Variants in RAD51B observed in about 807,000 individuals in gnomAD.
RAD51B encodes the protein RAD51 paralog B.
In RAD51B, 38 loss-of-function variants were observed where a neutral mutation model predicts 42.2. That is an observed-to-expected ratio of 0.90 (90% confidence interval 0.70 to 1.18). The LOEUF (loss-of-function observed/expected upper bound fraction) is 1.18, where lower values mean the gene tolerates loss of function less well. RAD51B is among the 50% of genes most tolerant of loss of function. RAD51B has a pLI of 0.00. For missense variants in RAD51B, 373 were observed against 400.7 expected, an observed-to-expected ratio of 0.93 and a Z score of 0.59; for synonymous variants, 154 against 145.2, an observed-to-expected ratio of 1.06 and a Z score of -0.43.
At chr14:68,001,296 A>G (rs1446490894) in intron 7 of RAD51B, among the ~76,000 whole-genome samples, 1 of 152,146 alleles carries the variant, frequency 6.6e-6, no homozygotes, top group African/African-American at 2.4e-5. Context: ...ATTCTTGAAT[A>G]GAAGTGTCAT....
chr14:68,014,225 G>T (rs553872876), intron 7 of RAD51B, among the ~76,000 whole-genome samples: 2 of 144,176 alleles, frequency 1.4e-5, no homozygotes, highest in African/African-American at 5.2e-5. Context: ...CCCATTAACA[G>T]TTGATGGAGG....
At chr14:67,871,864 G>A (rs2042544811) in intron 5 of RAD51B, among the ~76,000 whole-genome samples, 1 of 151,728 alleles carries the variant, frequency 6.6e-6, no homozygotes, top group African/African-American at 2.4e-5. Flanking sequence ...AGATGCAGAA[G>A]AGGCCTTTGA....
At chr14:68,471,143 G>A (rs1185349133) in intron 10 of RAD51B, among the ~76,000 whole-genome samples, 4 of 152,134 alleles carry the variant, frequency 2.6e-5, no homozygotes, top group African/African-American at 9.7e-5. Flanking sequence ...GCTCTGGGTG[G>A]GATGTGCAGC....
In RAD51B at chr14:68,150,670, A is replaced by T. The variant is rs555476134; in HGVS notation, c.757-141214A>T. 2.0e-5 allele frequency among the ~76,000 whole-genome samples: 3 copies of T among 151,964 alleles called. No individual in the cohort carries two copies. The South Asian group carries it at 6.2e-4, about 32-fold the overall frequency. ...CTTATGTACATTAACCTTATATCTT[A>T]TTTGTTTTTGGATTTGTGTTTTTAT... is the stretch of plus-strand genomic sequence containing the variant. On this transcript the variant is annotated intron_variant, in intron 7 of 10. Transcript: ENST00000471583.
chr14:68,580,164 G>A (rs1006607811), intron 10 of RAD51B, among the ~76,000 whole-genome samples: 11 of 152,220 alleles, frequency 7.2e-5, no homozygotes, highest in Admixed American at 3.9e-4. Flanking sequence ...CCGGGCTCCC[G>A]GTTCCCCCTC....
intron 9 of RAD51B, among the ~76,000 whole-genome samples, chr14:68,464,979 A>G (rs930466502): frequency 6.6e-6 from 1 of 152,192 alleles, no homozygotes; most frequent in African/African-American, 2.4e-5. Flanking sequence ...GGGCTTGCTC[A>G]TAGACTGGCT....
At chr14:68,119,156 A>G (rs192846158) in intron 7 of RAD51B, among the ~76,000 whole-genome samples, 166 of 151,630 alleles carry the variant, frequency 1.1e-3, no homozygotes, top group African/African-American at 3.7e-3. Flanking sequence ...CATGTTGTCC[A>G]TGTAGCTGAG....
At chr14:68,274,289 A>G (rs1352307771) in intron 7 of RAD51B, among the ~76,000 whole-genome samples, 1 of 152,202 alleles carries the variant, frequency 6.6e-6, no homozygotes, top group Non-Finnish European at 1.5e-5. Context: ...CAATGTAAGC[A>G]TTCATGGCAG....
intron 8 of RAD51B, among the ~76,000 whole-genome samples, chr14:68,371,287 G>A (rs576445137): frequency 6.6e-6 from 1 of 152,200 alleles, no homozygotes. Context: ...GGGAGGCTGA[G>A]GTAGGCAGAT....
intron 7 of RAD51B, among the ~76,000 whole-genome samples, chr14:67,967,449 C>T (rs910969822): frequency 4.0e-4 from 61 of 152,312 alleles, no homozygotes; most frequent in African/African-American, 1.4e-3. Context: ...AAGTCCCTTT[C>T]GTCTGTGAGA....
intron 10 of RAD51B, among the ~76,000 whole-genome samples, chr14:68,645,810 A>C (rs1892553013): frequency 6.6e-6 from 1 of 152,062 alleles, no homozygotes; most frequent in Non-Finnish European, 1.5e-5. Context: ...GAAATTTAGG[A>C]TTTTTTTCTT....
At chr14:68,257,531 T>A (rs919235238) in intron 7 of RAD51B, among the ~76,000 whole-genome samples, 1 of 152,136 alleles carries the variant, frequency 6.6e-6, no homozygotes, top group African/African-American at 2.4e-5. Flanking sequence ...TAAAATTAAA[T>A]GATTTTGTAT....
At chr14:68,375,320 T>C (rs1055541047) in intron 8 of RAD51B, among the ~76,000 whole-genome samples, 7 of 152,122 alleles carry the variant, frequency 4.6e-5, no homozygotes, top group Admixed American at 4.6e-4. Context: ...TTCCATACTT[T>C]CTACTTTTTA....
chr14:68,205,539 G>C (rs2079567574), intron 7 of RAD51B, among the ~76,000 whole-genome samples: 3 of 152,122 alleles, frequency 2.0e-5, no homozygotes, highest in Admixed American at 6.5e-5. Flanking sequence ...GAGACAGCTT[G>C]TTTGGGGGCT....
At chr14:68,497,220 A>G in intron 10 of RAD51B, 1 of 1,374,864 alleles carries the variant, frequency 7.3e-7, no homozygotes, top group South Asian at 1.2e-5. Flanking sequence ...ATTGGGAAAG[A>G]GTCTTGTGGT....
chr14:68,680,962 A>C (rs1033794265), intron 11 of RAD51B, among the ~76,000 whole-genome samples: 18 of 152,124 alleles, frequency 1.2e-4, no homozygotes, highest in African/African-American at 3.9e-4. Flanking sequence ...AAGGCAAAAA[A>C]ATAACCCTTG....
intron 7 of RAD51B, among the ~76,000 whole-genome samples, chr14:67,996,777 A>G (rs1459651379): frequency 6.6e-6 from 1 of 152,188 alleles, no homozygotes; most frequent in Non-Finnish European, 1.5e-5. Context: ...CTGCTGGTTG[A>G]TACTAGGTTG....
At chr14:68,597,966 G>T (rs888546616), downstream of RAD51B, among the ~76,000 whole-genome samples, 1 of 152,076 alleles carries the variant, frequency 6.6e-6, no homozygotes, top group Non-Finnish European at 1.5e-5. Flanking sequence ...AGTAAATGAA[G>T]ATCCTACTGC....
chr14:67,875,169 G>A (rs1344478417), intron 5 of RAD51B, among the ~76,000 whole-genome samples: 1 of 152,158 alleles, frequency 6.6e-6, no homozygotes, highest in African/African-American at 2.4e-5. Flanking sequence ...AATGAAATCA[G>A]AAAAGCTTTG....
Sources: gnomAD v4.1 joint callset for allele counts (sites outside exome capture counted in the v4.1 genomes callset) on GRCh38, gnomAD v4.1.1 for gene constraint, MANE v1.5 for transcripts, NCBI Gene and HGNC (gene_info 2026-07-23, HGNC 2026-07-21) for gene names.